HDHD2: variants seen among roughly 807,000 people sequenced by gnomAD.
The protein encoded by HDHD2 is haloacid dehalogenase like hydrolase domain containing 2, also known as haloacid dehalogenase-like hydrolase domain-containing protein 2.
A neutral mutation model predicts 24.8 loss-of-function variants in HDHD2; 26 were observed. The ratio of observed to expected loss-of-function variants is 1.05; its 90% CI spans 0.77 to 1.45. The LOEUF (loss-of-function observed/expected upper bound fraction) is 1.45. Ranked by LOEUF, HDHD2 falls within the 40% of genes most tolerant of loss-of-function variation. HDHD2 has a pLI of 0.00. For missense variants in HDHD2, 299 were observed against 313.4 expected, an observed-to-expected ratio of 0.95 and a Z score of 0.35; for synonymous variants, 128 against 114.9, an observed-to-expected ratio of 1.11 and a Z score of -0.73.
intron 4 of HDHD2, among the ~76,000 whole-genome samples, chr18:47,127,236 A>G (rs1047402078): frequency 3.3e-5 from 5 of 152,214 alleles, no homozygotes; most frequent in Non-Finnish European, 5.9e-5. Flanking sequence ...AAAATAGAGT[A>G]TATTGTAGGA....
intron 1 of HDHD2, among the ~76,000 whole-genome samples, chr18:47,146,765 T>A (rs1262367443): frequency 6.6e-6 from 1 of 152,162 alleles, no homozygotes; most frequent in African/African-American, 2.4e-5. Context: ...GGTTTCATAT[T>A]ATAGTACTCA....
chr18:47,107,670 TGAG>T lies in HDHD2; in HGVS notation c.*1009_*1011del, dbSNP rs1169169840. ...CCCCTTTATTTTGGTGGGTTTAACATGAGAAGAATAATCCATGCTACAAGACGA... is the reference window on the plus strand; with the variant it reads ...CCCCTTTATTTTGGTGGGTTTAACATAAGAATAATCCATGCTACAAGACGA... On this transcript the variant is annotated 3_prime_UTR_variant, in exon 7 of 7. Transcript: ENST00000300605. 1.3e-5 allele frequency: 2 copies of T among 152,460 alleles called. No homozygotes were observed. The highest frequency in any genetic ancestry group is 1.9e-4 in the East Asian group (1 of 5,196). 9.4% of individuals were successfully genotyped at this position (152,460 alleles called of 1,614,324 possible).
chr18:47,111,770 A>AT, intron 6 of HDHD2: 1 of 985,116 alleles, frequency 1.0e-6, no homozygotes, highest in Non-Finnish European at 1.2e-6. Context: ...TTGTAGCTCC[A>AT]TCTACATTTC....
chr18:47,130,227 T>C lies in HDHD2; in HGVS notation c.395+17A>G. The C allele has an allele frequency of 6.8e-7, 1 of 1,481,338 alleles. No homozygotes were observed. Among genetic ancestry groups the C allele is most frequent in the Non-Finnish European group, 9.4e-7 (1 of 1,067,436 alleles). 91.8% of individuals were successfully genotyped at this position (1,481,338 alleles called of 1,614,324 possible). ...GGAACTATTATGATCAGATGAAAAATAAATAGCTAGGTTTACCGGAATGCT... is the reference window on the plus strand; with the variant it reads ...GGAACTATTATGATCAGATGAAAAACAAATAGCTAGGTTTACCGGAATGCT... On this transcript the variant is annotated intron_variant, in intron 4 of 6. Coordinates refer to ENST00000300605, the MANE Select transcript of HDHD2 (RefSeq NM_032124.5).
At chr18:47,124,575 G>C (rs2063638570) in intron 4 of HDHD2, among the ~76,000 whole-genome samples, 1 of 151,858 alleles carries the variant, frequency 6.6e-6, no homozygotes, top group Non-Finnish European at 1.5e-5. Context: ...GCGTGGTGGT[G>C]CATGGCTGTA....
At chr18:47,137,624 A>T (rs1417404188) in intron 1 of HDHD2, among the ~76,000 whole-genome samples, 2 of 152,206 alleles carry the variant, frequency 1.3e-5, no homozygotes, top group Non-Finnish European at 2.9e-5. Flanking sequence ...CATTTCAGTA[A>T]GTTATTTTGC....
chr18:47,121,556 C>T (rs1450084461), intron 4 of HDHD2, among the ~76,000 whole-genome samples: 1 of 152,326 alleles, frequency 6.6e-6, no homozygotes, highest in South Asian at 2.1e-4. Flanking sequence ...ACCTATTACT[C>T]CAATCCATTG....
intron 4 of HDHD2, among the ~76,000 whole-genome samples, chr18:47,128,630 G>A (rs1332474701): frequency 6.6e-6 from 1 of 152,160 alleles, no homozygotes; most frequent in Non-Finnish European, 1.5e-5. Flanking sequence ...ATAGATACTG[G>A]GCAACTATAA....
intron 1 of HDHD2, among the ~76,000 whole-genome samples, chr18:47,144,228 A>C (rs1382622243): frequency 2.6e-5 from 4 of 152,162 alleles, no homozygotes; most frequent in Admixed American, 2.0e-4. Flanking sequence ...ATGTGACCTT[A>C]AGTTATCTTT....
At position 47,130,264 on chromosome 18, in the gene HDHD2, T is replaced by G. The variant is rs772414238; in HGVS notation, c.375A>C (p.Gln125His). 2.8e-5 allele frequency: 45 copies of G among 1,602,018 alleles called. No homozygotes were observed. The East Asian group carries it at 1.0e-3, about 36-fold the overall frequency. Reference sequence around the variant, plus strand: ...TTTACCGGAATGCTTGATTCAGAATTTGATAATGAAAATGTTCTGGTGCCA... The same window carrying G: ...TTTACCGGAATGCTTGATTCAGAATGTGATAATGAAAATGTTCTGGTGCCA... ...MGLAPEHFHY[Q>H]ILNQAFRLLL... is the part of the protein sequence containing the mutation. The change falls in exon 4 of 7, where the codon CAA (glutamine) becomes CAC (histidine). Residue 125 changes from glutamine to histidine, a missense_variant. Gln to His is a conservative substitution (Grantham distance 24, BLOSUM62 0). Coordinates refer to ENST00000300605, the MANE Select transcript of HDHD2 (RefSeq NM_032124.5).
At chr18:47,118,607 GA>G (rs527917968) in intron 4 of HDHD2, among the ~76,000 whole-genome samples, 361 of 152,238 alleles carry the variant, frequency 2.4e-3, no homozygotes, top group African/African-American at 8.4e-3. Context: ...AGACCATCAG[GA>G]AAAATAGCTA....
At chr18:47,145,463 G>A (rs2117373) in intron 1 of HDHD2, among the ~76,000 whole-genome samples, 8,208 of 152,220 alleles carry the variant, frequency 0.054, 281 homozygotes, top group East Asian at 0.13. Context: ...ACAGAAAAAG[G>A]TCCCAATATG....
intron 4 of HDHD2, among the ~76,000 whole-genome samples, chr18:47,119,944 C>CTT (rs2063590100): frequency 6.6e-6 from 1 of 152,322 alleles, no homozygotes; most frequent in Non-Finnish European, 1.5e-5. Flanking sequence ...TGACCAGTTG[C>CTT]TTTGTCCATG....
At chr18:47,145,124 T>C (rs2063856781) in intron 1 of HDHD2, among the ~76,000 whole-genome samples, 1 of 152,234 alleles carries the variant, frequency 6.6e-6, no homozygotes, top group South Asian at 2.1e-4. Context: ...AAACCCTTGC[T>C]ATACGCCAAT....
intron 6 of HDHD2, chr18:47,110,224 TG>T: frequency 1.0e-6 from 1 of 985,434 alleles, no homozygotes. Context: ...CTTTGCATCA[TG>T]GTGGAGAAGA....
chr18:47,119,325 A>T (rs1411955422), intron 4 of HDHD2, among the ~76,000 whole-genome samples: 1 of 152,230 alleles, frequency 6.6e-6, no homozygotes, highest in East Asian at 1.9e-4. Context: ...CAAAATTGTG[A>T]ATCAATCCTC....
chr18:47,124,833 G>T (rs2063642870), intron 4 of HDHD2, among the ~76,000 whole-genome samples: 1 of 151,258 alleles, frequency 6.6e-6, no homozygotes, highest in Admixed American at 6.6e-5. Flanking sequence ...ATAAGTATAT[G>T]AAAAAGTTTC....
At chr18:47,145,211 C>T (rs2063857572) in intron 1 of HDHD2, among the ~76,000 whole-genome samples, 2 of 152,222 alleles carry the variant, frequency 1.3e-5, no homozygotes, top group Admixed American at 1.3e-4. Flanking sequence ...GACTCAGATT[C>T]AATGCAACTC....
At chr18:47,112,016 C>CATTA (rs1186731739) in intron 6 of HDHD2, among the ~76,000 whole-genome samples, 4 of 152,176 alleles carry the variant, frequency 2.6e-5, no homozygotes, top group African/African-American at 9.7e-5. Context: ...TTATAAGAGT[C>CATTA]TGGTGATGAT....
Sources: allele counts gnomAD v4.1 joint callset (sites outside exome capture counted in the v4.1 genomes callset), GRCh38; gene constraint gnomAD v4.1.1; transcripts MANE v1.5; gene names NCBI Gene and HGNC (gene_info 2026-07-23, HGNC 2026-07-21).